The following SGIP1 variants were observed in gnomAD, a reference collection of about 807,000 sequenced individuals.
The protein encoded by SGIP1 is SH3GL interacting endocytic adaptor 1.
A neutral mutation model predicts 107.5 loss-of-function variants in SGIP1; 38 were observed. The observed-to-expected ratio is 0.35, with a 90% confidence interval of 0.27 to 0.46. The LOEUF is 0.46. Ranked by LOEUF, SGIP1 falls within the 20% of genes least tolerant of loss-of-function variation. The pLI is 1.00. For synonymous variants in SGIP1, 365 were observed against 366.1 expected, an observed-to-expected ratio of 1.00 and a Z score of 0.03; for missense variants, 929 against 1,019.5, an observed-to-expected ratio of 0.91 and a Z score of 1.21.
chr1:66,540,663 A>G (rs1003562376), intron 1 of SGIP1, among the ~76,000 whole-genome samples: 2 of 152,226 alleles, frequency 1.3e-5, no homozygotes, highest in Non-Finnish European at 2.9e-5. Context: ...GATTTTTCAG[A>G]TGCAAATTAC....
intron 1 of SGIP1, among the ~76,000 whole-genome samples, chr1:66,621,123 G>A (rs1242109314): frequency 6.6e-6 from 1 of 152,174 alleles, no homozygotes; most frequent in African/African-American, 2.4e-5. Context: ...AAATGCATTT[G>A]CTTATGAAAA....
chr1:66,571,948 G>T (rs758700389), intron 1 of SGIP1, among the ~76,000 whole-genome samples: 3 of 151,844 alleles, frequency 2.0e-5, no homozygotes, highest in Non-Finnish European at 4.4e-5. Context: ...AAACATCTTG[G>T]CCAGAATTAG....
intron 1 of SGIP1, among the ~76,000 whole-genome samples, chr1:66,607,451 A>T (rs939598333): frequency 6.6e-6 from 1 of 152,232 alleles, no homozygotes; most frequent in Non-Finnish European, 1.5e-5. Context: ...ATGACAGAGG[A>T]TGCACCATAG....
chr1:66,670,407 G>A (rs1167781465), intron 9 of SGIP1, among the ~76,000 whole-genome samples: 2 of 152,232 alleles, frequency 1.3e-5, no homozygotes, highest in Non-Finnish European at 2.9e-5. Flanking sequence ...CCTAGTGGCA[G>A]GCAAGTGAAA....
chr1:66,709,013 T>C (rs2092719530), intron 18 of SGIP1, among the ~76,000 whole-genome samples: 1 of 152,146 alleles, frequency 6.6e-6, no homozygotes, highest in African/African-American at 2.4e-5. Context: ...GTTTGTTTTG[T>C]TTTCTTTACT....
chr1:66,587,363 ATT>A (rs35613526), intron 1 of SGIP1, among the ~76,000 whole-genome samples: 2 of 145,718 alleles, frequency 1.4e-5, no homozygotes, highest in Non-Finnish European at 3.0e-5. Flanking sequence ...GGCTCTGTTC[ATT>A]TTTTTTTTCT....
At chr1:66,643,992 A>C (rs2077213896) in intron 7 of SGIP1, 1 of 213,484 alleles carries the variant, frequency 4.7e-6, no homozygotes, top group African/African-American at 2.3e-5. Context: ...AAAGAAAAAA[A>C]AATAAAAAGA....
intron 7 of SGIP1, among the ~76,000 whole-genome samples, chr1:66,647,123 A>G (rs890949534): frequency 2.6e-5 from 4 of 152,174 alleles, no homozygotes; most frequent in Admixed American, 2.6e-4. Flanking sequence ...TTTCTCTCCC[A>G]AGTGAAAGTC....
At chr1:66,591,506 A>G (rs1200812147) in intron 1 of SGIP1, among the ~76,000 whole-genome samples, 3 of 152,122 alleles carry the variant, frequency 2.0e-5, no homozygotes, top group Non-Finnish European at 4.4e-5. Context: ...AAGATTTCCC[A>G]TATATCCCCT....
intron 1 of SGIP1, among the ~76,000 whole-genome samples, chr1:66,623,745 G>A (rs956073226): frequency 1.2e-4 from 19 of 152,152 alleles, no homozygotes; most frequent in Non-Finnish European, 8.8e-5. Context: ...GTCTCTTATC[G>A]TTGGCTGATT....
At chr1:66,731,147 T>C (rs1284233306) in intron 20 of SGIP1, among the ~76,000 whole-genome samples, 2 of 152,234 alleles carry the variant, frequency 1.3e-5, no homozygotes, top group Non-Finnish European at 2.9e-5. Context: ...TATCTATTTG[T>C]GTTTCTTCAT....
At chr1:66,603,165 A>G (rs2066187127) in intron 1 of SGIP1, among the ~76,000 whole-genome samples, 1 of 152,220 alleles carries the variant, frequency 6.6e-6, no homozygotes, top group Non-Finnish European at 1.5e-5. Flanking sequence ...AGAAAGAGAA[A>G]GAAATAGAAT....
At position 66,534,788 on chromosome 1, in the gene SGIP1, T is replaced by C. The variant is rs973876531; in HGVS notation, c.10+420T>C. 4.6e-5 allele frequency among the ~76,000 whole-genome samples: 7 copies of C among 152,256 alleles called. 1 individual carries two copies. The highest frequency in any genetic ancestry group is 4.6e-4 in the Admixed American group (7 of 15,288). Reference sequence around the variant, plus strand: ...GAGAGGTCATTAACAGAGTTATCCATACAGACATTTTCAGTGAACTGTTTA... The same window carrying C: ...GAGAGGTCATTAACAGAGTTATCCACACAGACATTTTCAGTGAACTGTTTA... On this transcript the variant is annotated intron_variant, in intron 1 of 24. Coordinates refer to ENST00000371037, the MANE Select transcript of SGIP1 (RefSeq NM_032291.4).
chr1:66,601,322 G>T (rs2065772499), intron 1 of SGIP1, among the ~76,000 whole-genome samples: 1 of 152,064 alleles, frequency 6.6e-6, no homozygotes, highest in Admixed American at 6.5e-5. Context: ...CCGAGATCGC[G>T]CCACTGCACT....
intron 18 of SGIP1, among the ~76,000 whole-genome samples, chr1:66,703,938 T>C (rs999250041): frequency 6.6e-6 from 1 of 152,054 alleles, no homozygotes; most frequent in African/African-American, 2.4e-5. Flanking sequence ...CTTCTAGATC[T>C]TAGTTATAAC....
chr1:66,622,792 G>C (rs2071491727), intron 1 of SGIP1, among the ~76,000 whole-genome samples: 1 of 152,126 alleles, frequency 6.6e-6, no homozygotes, highest in Non-Finnish European at 1.5e-5. Flanking sequence ...ATGTTGGCAA[G>C]GGAAGAGTCA....
At chr1:66,544,539 A>T (rs572336438) in intron 1 of SGIP1, among the ~76,000 whole-genome samples, 89 of 152,274 alleles carry the variant, frequency 5.8e-4, no homozygotes, top group African/African-American at 2.0e-3. Flanking sequence ...TTACAAAAAA[A>T]TTAGCTGGGC....
chr1:66,699,560 T>C (rs1176174960), intron 18 of SGIP1, among the ~76,000 whole-genome samples: 1 of 152,186 alleles, frequency 6.6e-6, no homozygotes, highest in Non-Finnish European at 1.5e-5. Flanking sequence ...GGCCACATCC[T>C]GGAAGTCATT....
intron 1 of SGIP1, among the ~76,000 whole-genome samples, chr1:66,624,786 T>A (rs1344640816): frequency 6.6e-6 from 1 of 152,200 alleles, no homozygotes; most frequent in Non-Finnish European, 1.5e-5. Context: ...TTTGAATATA[T>A]AAACATTTAG....
Sources: allele counts gnomAD v4.1 joint callset (sites outside exome capture counted in the v4.1 genomes callset), GRCh38; gene constraint gnomAD v4.1.1; transcripts MANE v1.5; gene names NCBI Gene and HGNC (gene_info 2026-07-23, HGNC 2026-07-21).